The following MTA3 variants were observed in gnomAD, a reference collection of about 807,000 sequenced individuals.
MTA3 encodes metastasis associated 1 family member 3.
MTA3 carries 34 observed loss-of-function variants against 83.5 expected under a neutral mutation model. The observed-to-expected ratio is 0.41, with a 90% CI of 0.31 to 0.54. The LOEUF (loss-of-function observed/expected upper bound fraction) is 0.54. Among genes scored for constraint, MTA3 ranks in the 20% least tolerant of loss-of-function variants. The probability of loss-of-function intolerance (pLI) is 0.33; values close to 1 mark genes in which losing one functional copy is unlikely to be tolerated. For missense variants in MTA3, 761 were observed against 726.4 expected, an observed-to-expected ratio of 1.05 and a Z score of -0.55; for synonymous variants, 303 against 252.7, an observed-to-expected ratio of 1.20 and a Z score of -1.89.
intron 15 of MTA3, among the ~76,000 whole-genome samples, chr2:42,721,895 G>GA (rs1201327168): frequency 8.6e-5 from 13 of 151,182 alleles, no homozygotes; most frequent in South Asian, 2.1e-4. Context: ...TCATGTTGGA[G>GA]AAAAAAAAAT....
At chr2:42,695,734 T>C in intron 9 of MTA3, 31 bp from the exon 10 acceptor site, 2 of 1,338,432 alleles carry the variant, frequency 1.5e-6, no homozygotes, top group Non-Finnish European at 2.0e-6. Context: ...TATGTTAACA[T>C]AGATGATAGG....
At chr2:42,575,568 A>G (rs1014922012) in intron 2 of MTA3, among the ~76,000 whole-genome samples, 4 of 152,218 alleles carry the variant, frequency 2.6e-5, no homozygotes, top group African/African-American at 9.6e-5. Flanking sequence ...GATAAAAAAA[A>G]AACAGGTCTA....
intron 9 of MTA3, among the ~76,000 whole-genome samples, chr2:42,685,015 G>T (rs1180697316): frequency 1.3e-5 from 2 of 152,192 alleles, no homozygotes; most frequent in African/African-American, 4.8e-5. Flanking sequence ...TGGCATTTTA[G>T]CTGGGTCTCT....
intron 9 of MTA3, among the ~76,000 whole-genome samples, chr2:42,694,065 C>G (rs1693154747): frequency 6.6e-6 from 1 of 152,156 alleles, no homozygotes; most frequent in Non-Finnish European, 1.5e-5. Flanking sequence ...GAGCTAGGGC[C>G]TGGAATGGGG....
intron 2 of MTA3, among the ~76,000 whole-genome samples, chr2:42,516,174 C>G (rs1052168937): frequency 5.3e-5 from 8 of 152,150 alleles, no homozygotes; most frequent in Non-Finnish European, 1.2e-4. Context: ...GCCTCAGCCT[C>G]CCAAAGTGCT....
In MTA3 at chr2:42,756,476, G is replaced by A. The variant is rs1434028553; in HGVS notation, c.*3077G>A. 3 of 985,438 alleles carry A rather than the reference G, an allele frequency of 3.0e-6. No individual in the cohort carries two copies. Among genetic ancestry groups the A allele is most frequent in the African/African-American group, 3.5e-5 (2 of 57,230 alleles). The allele number at this position is 985,438 out of a possible 1,614,324, so 61.0% of individuals were successfully genotyped here. On this transcript the variant is annotated 3_prime_UTR_variant, in exon 17 of 17. Transcript: ENST00000405094. ...GGGCTGAGGGCAAGCAGGTGGGGCT[G>A]TGCGTGGCCTCAGTGCACTCGGTGT...
At chr2:42,686,826 CA>C (rs1225697306) in intron 9 of MTA3, among the ~76,000 whole-genome samples, 4 of 142,886 alleles carry the variant, frequency 2.8e-5, no homozygotes, top group Non-Finnish European at 4.6e-5. Context: ...GACTTCATCT[CA>C]AAAAAAAAGG....
chr2:42,725,948 C>G (rs1253296725), intron 16 of MTA3, among the ~76,000 whole-genome samples: 1 of 152,160 alleles, frequency 6.6e-6, no homozygotes, highest in East Asian at 1.9e-4. Flanking sequence ...TACGAATGGA[C>G]CTTTTCATTG....
intron 2 of MTA3, among the ~76,000 whole-genome samples, chr2:42,518,846 G>A (rs1043065721): frequency 4.6e-5 from 7 of 151,698 alleles, no homozygotes; most frequent in African/African-American, 7.3e-5. Context: ...CGAGCCTGTC[G>A]CCCCAGCTAC....
chr2:42,540,023 T>C (rs1676450434), intron 2 of MTA3, among the ~76,000 whole-genome samples: 1 of 152,032 alleles, frequency 6.6e-6, no homozygotes, highest in Admixed American at 6.6e-5. Context: ...TGCACCTTCC[T>C]CCCTCTCTCT....
In MTA3 at chr2:42,609,516, A is replaced by C. The variant is rs546851273; in HGVS notation, c.249A>C (p.Lys83Asn). Reference protein sequence around the residue: ...TVEADLTDKQKHQLKHRELFL... With the variant: ...TVEADLTDKQNHQLKHRELFL... ...AGGCTGACTTGACCGATAAGCAGAA[A>C]CATCAGTTGAAACATAGGGAACTCT... Residue 83 changes from lysine to asparagine, a missense_variant, in exon 4 of 17, where the codon AAA (lysine) becomes AAC (asparagine). Transcript: ENST00000405094. The C allele has an allele frequency of 6.2e-7, 1 of 1,613,942 alleles. No individual in the cohort carries two copies. The highest frequency in any genetic ancestry group is 1.3e-5 in the African/African-American group (1 of 75,042).
intron 9 of MTA3, among the ~76,000 whole-genome samples, chr2:42,688,124 G>A (rs180830486): frequency 1.3e-5 from 2 of 152,312 alleles, no homozygotes; most frequent in East Asian, 1.9e-4. Context: ...CACTAAAACA[G>A]GTGTGGCATG....
intron 2 of MTA3, chr2:42,511,485 G>C (rs571743682): frequency 6.6e-6 from 1 of 152,316 alleles, no homozygotes; most frequent in African/African-American, 2.4e-5. Context: ...GAGAGGCCAA[G>C]GTGGGTGGAT....
At position 42,611,157 on chromosome 2, in the gene MTA3, A is replaced by AT. The variant is rs779071098; in HGVS notation, c.317+1580dup. On this transcript the variant is annotated intron_variant, in intron 4 of 16. Coordinates refer to ENST00000405094, the MANE Select transcript of MTA3 (RefSeq NM_001330442.2). ...CCACCATGCCCAGCTAATTTTTTGT[A>AT]TTTTTTTAGTAGAGACAGGGTTTCG... 1.0e-3 allele frequency among the ~76,000 whole-genome samples: 152 copies of AT among 150,772 alleles called. No individual in the cohort carries two copies. The East Asian group carries it at 0.011, about 11-fold the overall frequency.
At chr2:42,549,246 A>C (rs1366332209) in intron 2 of MTA3, among the ~76,000 whole-genome samples, 2 of 119,352 alleles carry the variant, frequency 1.7e-5, no homozygotes, top group African/African-American at 6.3e-5. Flanking sequence ...TACGTATATA[A>C]TATATTATAT....
chr2:42,668,867 A>G (rs911716283), intron 8 of MTA3, among the ~76,000 whole-genome samples: 2 of 152,128 alleles, frequency 1.3e-5, no homozygotes, highest in Non-Finnish European at 1.5e-5. Flanking sequence ...TCAAAAAAAA[A>G]TTTCCCATCA....
At chr2:42,556,020 C>T (rs952017705) in intron 2 of MTA3, among the ~76,000 whole-genome samples, 11 of 151,506 alleles carry the variant, frequency 7.3e-5, no homozygotes, top group Non-Finnish European at 1.5e-4. Context: ...TGCAGTGAGC[C>T]GACACAGTGC....
At chr2:42,520,406 C>T (rs1489607887) in intron 2 of MTA3, among the ~76,000 whole-genome samples, 1 of 152,158 alleles carries the variant, frequency 6.6e-6, no homozygotes, top group Non-Finnish European at 1.5e-5. Context: ...CATCCACCTG[C>T]TTCAGTTGTG....
rs1019228453 is a variant in MTA3 at position 42,755,703 on chromosome 2, G to T, written c.*2304G>T. 3 of 985,470 alleles carry T rather than the reference G, an allele frequency of 3.0e-6. No individual in the cohort carries two copies. The highest frequency in any genetic ancestry group is 3.5e-5 in the African/African-American group (2 of 57,242). The allele number at this position is 985,470 out of a possible 1,614,324, so 61.0% of individuals were successfully genotyped here. ...CGTTGGAAGCATTTGGTGCTGAGAG[G>T]GTTTCCCAGCCACCCGCTCCCTTTC... is the stretch of plus-strand genomic sequence containing the variant. On this transcript the variant is annotated 3_prime_UTR_variant, in exon 17 of 17. Coordinates refer to ENST00000405094, the MANE Select transcript of MTA3 (RefSeq NM_001330442.2).
Sources: gnomAD v4.1 joint callset for allele counts (sites outside exome capture counted in the v4.1 genomes callset) on GRCh38, gnomAD v4.1.1 for gene constraint, MANE v1.5 for transcripts, NCBI Gene and HGNC (gene_info 2026-07-23, HGNC 2026-07-21) for gene names.